Variants in PPFIA1 observed in about 807,000 individuals in gnomAD.
The protein encoded by PPFIA1 is PPFI scaffold protein A1, also known as liprin-alpha-1.
In PPFIA1, 25 loss-of-function variants were observed where a neutral mutation model predicts 149.9. The observed-to-expected ratio is 0.17, with a 90% CI of 0.12 to 0.23. The LOEUF (loss-of-function observed/expected upper bound fraction) is 0.23, where lower values mean the gene tolerates loss of function less well. Ranked by LOEUF, PPFIA1 falls within the 10% of genes least tolerant of loss-of-function variation. The pLI is 1.00. For missense variants in PPFIA1, 1,362 were observed against 1,506.5 expected (o/e 0.90, Z 1.59); for synonymous variants, 549 against 552.8 (o/e 0.99, Z 0.10).
intron 21 of PPFIA1, 90 bp downstream of exon 21, chr11:70,362,578 C>A: frequency 7.5e-7 from 1 of 1,326,286 alleles, no homozygotes; most frequent in Non-Finnish European, 1.0e-6. Flanking sequence ...TTCTCCAGTT[C>A]CTTAACAGCA....
At chr11:70,310,182 G>C (rs1385372451) in intron 2 of PPFIA1, among the ~76,000 whole-genome samples, 1 of 152,182 alleles carries the variant, frequency 6.6e-6, no homozygotes, top group Non-Finnish European at 1.5e-5. Context: ...TGACGGACCA[G>C]ATGGATTATA....
At chr11:70,285,721 G>A (rs190479409) in intron 2 of PPFIA1, among the ~76,000 whole-genome samples, 81 of 150,810 alleles carry the variant, frequency 5.4e-4, no homozygotes, top group Middle Eastern at 3.5e-3. Flanking sequence ...CATCACATAA[G>A]GCACAGAACA....
chr11:70,298,509 A>G (rs2052248404), intron 2 of PPFIA1, among the ~76,000 whole-genome samples: 3 of 152,152 alleles, frequency 2.0e-5, no homozygotes, highest in Admixed American at 6.5e-5. Flanking sequence ...TGTGTTCCCC[A>G]AACTATTTTT....
chr11:70,270,943 C>T (rs1157725050), intron 1 of PPFIA1, 29 bp downstream of exon 1: 1 of 151,574 alleles, frequency 6.6e-6, no homozygotes, highest in Non-Finnish European at 1.5e-5. Context: ...GAGGCAGGCT[C>T]GGGGCCCAGG....
At chr11:70,351,659 G>A (rs757606731) in intron 16 of PPFIA1, among the ~76,000 whole-genome samples, 1 of 152,078 alleles carries the variant, frequency 6.6e-6, no homozygotes, top group Non-Finnish European at 1.5e-5. Flanking sequence ...TTGGGTTTGG[G>A]ATGCTCAACC....
At chr11:70,330,913 G>A (rs1006820454) in intron 8 of PPFIA1, among the ~76,000 whole-genome samples, 2 of 151,972 alleles carry the variant, frequency 1.3e-5, no homozygotes, top group Non-Finnish European at 2.9e-5. Flanking sequence ...CTCCAGCCTG[G>A]GCCACAGAAC....
At chr11:70,300,541 T>A (rs1565364622) in intron 2 of PPFIA1, among the ~76,000 whole-genome samples, 1 of 150,680 alleles carries the variant, frequency 6.6e-6, no homozygotes, top group South Asian at 2.1e-4. Flanking sequence ...CCTAATTTTT[T>A]TTTTTTTTTT....
intron 21 of PPFIA1, chr11:70,366,049 C>CT (rs2056918923): frequency 6.9e-6 from 3 of 437,256 alleles, no homozygotes; most frequent in South Asian, 1.6e-5. Context: ...GTGTAATCTA[C>CT]TTTTTTTGAT....
intron 9 of PPFIA1, among the ~76,000 whole-genome samples, 188 bp downstream of exon 9, chr11:70,332,282 G>T (rs1462389678): frequency 1.3e-5 from 2 of 152,084 alleles, no homozygotes; most frequent in African/African-American, 4.8e-5. Context: ...CTTTTATCCC[G>T]AAGTCTACCT....
rs552540145 is a variant in PPFIA1 at position 70,358,243 on chromosome 11, G to T, written c.2582+1989G>T. ...TATTTATTGATTGATTGATTGAGACGAAGTCCCTCACTCTGTCGCCCAGGC... is the reference window on the plus strand; with the variant it reads ...TATTTATTGATTGATTGATTGAGACTAAGTCCCTCACTCTGTCGCCCAGGC... On this transcript the variant is annotated intron_variant, in intron 19 of 27. Transcript: ENST00000253925. The T allele has an allele frequency of 2.0e-5, 3 of 152,068 alleles. No individual in the cohort carries two copies. The South Asian group carries it at 6.2e-4, about 31-fold the overall frequency. The allele number at this position is 152,068 out of a possible 1,614,324, so 9.4% of individuals were successfully genotyped here.
intron 13 of PPFIA1, 84 bp from the exon 14 acceptor site, chr11:70,339,087 C>T: frequency 1.3e-6 from 2 of 1,530,694 alleles, no homozygotes; most frequent in East Asian, 2.3e-5. Flanking sequence ...ATAACTTTTC[C>T]AAATTGATAG....
intron 2 of PPFIA1, among the ~76,000 whole-genome samples, chr11:70,319,280 G>T (rs1175948516): frequency 6.6e-6 from 1 of 152,098 alleles, no homozygotes; most frequent in Non-Finnish European, 1.5e-5. Context: ...CACCACCTGC[G>T]GTGAGCCCAC....
chr11:70,345,772 A>AG, intron 15 of PPFIA1: 1 of 204,816 alleles, frequency 4.9e-6, no homozygotes, highest in Non-Finnish European at 1.0e-5. Flanking sequence ...GGCTGCAGCG[A>AG]GCTGTGATCA....
At chr11:70,294,766 T>G (rs1014141778) in intron 2 of PPFIA1, among the ~76,000 whole-genome samples, 2 of 151,794 alleles carry the variant, frequency 1.3e-5, no homozygotes, top group African/African-American at 4.9e-5. Flanking sequence ...TTAACGAGCA[T>G]GCTGCCTTCA....
At chr11:70,273,182 C>T (rs906080913) in intron 2 of PPFIA1, among the ~76,000 whole-genome samples, 1 of 151,942 alleles carries the variant, frequency 6.6e-6, no homozygotes, top group African/African-American at 2.4e-5. Context: ...GAGGCTGAGG[C>T]ATGAGAATCA....
At chr11:70,280,826 T>C (rs550866216) in intron 2 of PPFIA1, among the ~76,000 whole-genome samples, 57 of 152,310 alleles carry the variant, frequency 3.7e-4, no homozygotes, top group African/African-American at 1.3e-3. Flanking sequence ...CCTTGACATG[T>C]CAAAGCACTG....
intron 20 of PPFIA1, 56 bp downstream of exon 20, chr11:70,362,232 T>G: frequency 6.2e-7 from 1 of 1,612,356 alleles, no homozygotes; most frequent in Non-Finnish European, 8.5e-7. Flanking sequence ...AACTTACTGT[T>G]CTACTTTGTA....
At chr11:70,357,825 G>C (rs1385242544) in intron 19 of PPFIA1, among the ~76,000 whole-genome samples, 1 of 152,114 alleles carries the variant, frequency 6.6e-6, no homozygotes, top group Non-Finnish European at 1.5e-5. Context: ...CTGACCTCGT[G>C]ATCTGCCCGC....
chr11:70,336,412 A>C (rs528003765), intron 11 of PPFIA1, among the ~76,000 whole-genome samples: 1 of 152,110 alleles, frequency 6.6e-6, no homozygotes, highest in South Asian at 2.1e-4. Flanking sequence ...TAAGGCATGA[A>C]AATCGCTTGA....
Sources: allele counts gnomAD v4.1 joint callset (sites outside exome capture counted in the v4.1 genomes callset), GRCh38; gene constraint gnomAD v4.1.1; transcripts MANE v1.5; gene names NCBI Gene and HGNC (gene_info 2026-07-23, HGNC 2026-07-21).